Variants in FOXN3 observed in about 807,000 individuals in gnomAD.
FOXN3 encodes forkhead box protein N3.
Under a neutral mutation model 38.4 loss-of-function variants are expected in FOXN3, and 7 were observed. The observed-to-expected ratio is 0.18, with a 90% CI of 0.10 to 0.34. FOXN3 has a LOEUF of 0.34. Among genes scored for constraint, FOXN3 ranks in the 10% least tolerant of loss-of-function variants. The probability of loss-of-function intolerance (pLI) is 1.00; values close to 1 mark genes in which losing one functional copy is unlikely to be tolerated. For missense variants in FOXN3, 456 were observed against 613.4 expected, an observed-to-expected ratio of 0.74 and a Z score of 2.71; for synonymous variants, 230 against 242.2, an observed-to-expected ratio of 0.95 and a Z score of 0.47.
intron 4 of FOXN3, among the ~76,000 whole-genome samples, chr14:89,209,812 C>T (rs571055869): frequency 6.6e-6 from 1 of 152,304 alleles, no homozygotes; most frequent in South Asian, 2.1e-4. Context: ...CTAAATACAT[C>T]ACAACAACGG....
At chr14:89,529,334 A>C (rs1183129881) in intron 1 of FOXN3, among the ~76,000 whole-genome samples, 1 of 152,204 alleles carries the variant, frequency 6.6e-6, no homozygotes, top group Admixed American at 6.5e-5. Flanking sequence ...TGTTTGCTCC[A>C]CGGCATTCCT....
At chr14:89,247,840 T>A (rs1053836424) in intron 4 of FOXN3, among the ~76,000 whole-genome samples, 1 of 152,244 alleles carries the variant, frequency 6.6e-6, no homozygotes, top group Non-Finnish European at 1.5e-5. Flanking sequence ...CTTACAGTGA[T>A]CTGGCCTCTG....
At chr14:89,359,149 A>C (rs563840515) in intron 2 of FOXN3, among the ~76,000 whole-genome samples, 8 of 152,098 alleles carry the variant, frequency 5.3e-5, no homozygotes, top group Non-Finnish European at 1.0e-4. Context: ...ACAAAAAATT[A>C]GCTGGGCATG....
At chr14:89,600,982 A>T (rs1896142020) in intron 1 of FOXN3, among the ~76,000 whole-genome samples, 1 of 152,212 alleles carries the variant, frequency 6.6e-6, no homozygotes, top group Non-Finnish European at 1.5e-5. Context: ...AAACAACATA[A>T]TAAGTAAAGG....
chr14:89,222,462 A>G (rs2139843956), intron 4 of FOXN3, among the ~76,000 whole-genome samples: 1 of 152,364 alleles, frequency 6.6e-6, no homozygotes, highest in South Asian at 2.1e-4. Flanking sequence ...CAGGGGACGT[A>G]GACTAATACA....
chr14:89,364,236 T>G (rs1293491460), intron 2 of FOXN3, among the ~76,000 whole-genome samples: 3 of 138,724 alleles, frequency 2.2e-5, no homozygotes, highest in South Asian at 4.4e-4. Flanking sequence ...AGATCGACAA[T>G]TACTCCAGCA....
intron 1 of FOXN3, among the ~76,000 whole-genome samples, chr14:89,565,086 C>G (rs747670482): frequency 1.7e-5 from 2 of 114,556 alleles, no homozygotes; most frequent in Non-Finnish European, 3.3e-5. Flanking sequence ...AGAAGGAGAG[C>G]TCGTCTCAAA....
chr14:89,487,524 A>G (rs974339183), intron 1 of FOXN3, among the ~76,000 whole-genome samples: 3 of 152,216 alleles, frequency 2.0e-5, no homozygotes, highest in Admixed American at 6.5e-5. Flanking sequence ...CTGTGTTTTA[A>G]CAAGTCCTCC....
At chr14:89,339,095 G>T (rs1458720344) in intron 3 of FOXN3, among the ~76,000 whole-genome samples, 1 of 152,028 alleles carries the variant, frequency 6.6e-6, no homozygotes, top group Non-Finnish European at 1.5e-5. Flanking sequence ...CTGCCTCCTG[G>T]GTGAGTTGCT....
At chr14:89,253,478 A>G (rs2139882139) in intron 4 of FOXN3, among the ~76,000 whole-genome samples, 2 of 152,308 alleles carry the variant, frequency 1.3e-5, no homozygotes, top group East Asian at 1.9e-4. Flanking sequence ...CTCTTTCCCA[A>G]CAAATAGACT....
rs903449445 is a variant in FOXN3 at position 89,435,423 on chromosome 14, G to A, written c.-14-22933C>T. Among the ~76,000 whole-genome samples the A allele has an allele frequency of 9.3e-5, 14 of 149,736 alleles. No individual in the cohort carries two copies. In the South Asian group the frequency reaches 1.3e-3, roughly 14 times the overall value. ...CCCAATACCCCCACAGGCCCTCAGA[G>A]CCTTCACCCAAGCTGTATACATGAG... On this transcript the variant is annotated intron_variant, in intron 1 of 6. Coordinates refer to the FOXN3 transcript ENST00000345097.
At chr14:89,516,804 C>A (rs1186886945) in intron 1 of FOXN3, among the ~76,000 whole-genome samples, 1 of 152,160 alleles carries the variant, frequency 6.6e-6, no homozygotes, top group Non-Finnish European at 1.5e-5. Context: ...CTCAAGCGAT[C>A]TGTCCACCTT....
chr14:89,367,599 C>G (rs532762709), intron 2 of FOXN3, among the ~76,000 whole-genome samples: 1 of 152,232 alleles, frequency 6.6e-6, no homozygotes, highest in Admixed American at 6.5e-5. Context: ...AGTGCTCCAG[C>G]GGGAACACAG....
chr14:89,585,036 C>G (rs1171811774), intron 1 of FOXN3, among the ~76,000 whole-genome samples: 2 of 152,190 alleles, frequency 1.3e-5, no homozygotes, highest in Non-Finnish European at 2.9e-5. Flanking sequence ...TTCAAATTGT[C>G]CATTTTTTAT....
intron 3 of FOXN3, chr14:89,349,403 C>G (rs865877004): frequency 1.3e-5 from 2 of 152,290 alleles, no homozygotes; most frequent in Admixed American, 6.5e-5. Flanking sequence ...ACCTTCCCCC[C>G]CACACACCAA....
chr14:89,441,922 C>CTTTTTTTTTT (rs35118856), intron 1 of FOXN3, among the ~76,000 whole-genome samples: 1 of 75,440 alleles, frequency 1.3e-5, no homozygotes, highest in Non-Finnish European at 2.7e-5. Flanking sequence ...AACCGGCTGA[C>CTTTTTTTTTT]TTTTTTTTTT....
chr14:89,256,133 C>A (rs1483087201), intron 4 of FOXN3, among the ~76,000 whole-genome samples: 11 of 152,170 alleles, frequency 7.2e-5, no homozygotes, highest in Non-Finnish European at 1.5e-4. Flanking sequence ...TCCCTGCCTG[C>A]CACCCTCCTC....
chr14:89,350,474 C>T (rs1202336480), intron 3 of FOXN3, 198 bp downstream of exon 3: 2 of 419,742 alleles, frequency 4.8e-6, no homozygotes. Context: ...GAAGCACATT[C>T]CTCTGACGCT....
chr14:89,394,501 C>T (rs1267544564), intron 2 of FOXN3, among the ~76,000 whole-genome samples: 1 of 152,110 alleles, frequency 6.6e-6, no homozygotes, highest in Admixed American at 6.5e-5. Context: ...GCCACTGCGC[C>T]CAGTCTCAAC....
Sources: allele counts gnomAD v4.1 joint callset (sites outside exome capture counted in the v4.1 genomes callset), GRCh38; gene constraint gnomAD v4.1.1; transcripts MANE v1.5; gene names NCBI Gene and HGNC (gene_info 2026-07-23, HGNC 2026-07-21).